Variants in DNAH2 observed in about 807,000 individuals in gnomAD.
The protein encoded by DNAH2 is dynein axonemal heavy chain 2.
Under a neutral mutation model 523.5 loss-of-function variants are expected in DNAH2, and 323 were observed. The observed-to-expected ratio is 0.62, with a 90% CI of 0.56 to 0.68. The LOEUF (loss-of-function observed/expected upper bound fraction) is 0.68, where lower values mean the gene tolerates loss of function less well. Ranked by LOEUF, DNAH2 falls within the 30% of genes least tolerant of loss-of-function variation. The pLI, the probability that DNAH2 is intolerant of heterozygous loss-of-function variation, is 0.00. For synonymous variants in DNAH2, 2,093 were observed against 2,177.4 expected, an observed-to-expected ratio of 0.96 and a Z score of 1.08; for missense variants, 4,907 against 5,701.5, an observed-to-expected ratio of 0.86 and a Z score of 4.49.
chr17:7,807,452 C>T lies in DNAH2; in HGVS notation c.9613-18C>T. On this transcript the variant is annotated intron_variant, in intron 62 of 85. Transcript: ENST00000572933. The surrounding 1 kb of genome is among the most constrained non-coding windows in gnomAD (Gnocchi z 5.6). ...TGGGTTGGTGGGCGACTCCCACAGC[C>T]TGACTGTCTCCCCACAGCTGTATGG... The T allele has an allele frequency of 1.9e-6, 3 of 1,612,596 alleles. No homozygotes were observed. The highest frequency in any genetic ancestry group is 2.5e-6 in the Non-Finnish European group (3 of 1,179,750).
intron 27 of DNAH2, 90 bp from the exon 28 acceptor site, chr17:7,771,240 C>A: frequency 6.4e-7 from 1 of 1,565,464 alleles, no homozygotes; most frequent in African/African-American, 1.3e-5. Context: ...GTATCTTCTA[C>A]CCAACTGTCA....
At chr17:7,773,182 G>A (rs1453582237) in intron 28 of DNAH2, among the ~76,000 whole-genome samples, 1 of 152,166 alleles carries the variant, frequency 6.6e-6, no homozygotes, top group Non-Finnish European at 1.5e-5. Flanking sequence ...TATCTGATTG[G>A]GGGTCTTCTG....
In DNAH2 at chr17:7,759,532, G is replaced by C. The variant is rs201664526; in HGVS notation, c.2559G>C (p.Gly853=). 2.6e-5 allele frequency: 42 copies of C among 1,614,068 alleles called. No individual in the cohort carries two copies. The highest frequency in any genetic ancestry group is 3.3e-5 in the Non-Finnish European group (39 of 1,180,048). ...TAGAACTATCCAAGGCTATCAACGG[G>C]GATGGAAAGACCAGCCCAAACCCAC... ...SLLELSKAIN[G]DGKTSPNPLF... Residue 853 remains glycine (G), a synonymous_variant, in exon 16 of 86, where the codon GGG becomes GGC. Transcript: ENST00000572933.
intron 12 of DNAH2, among the ~76,000 whole-genome samples, chr17:7,744,792 C>T (rs754727638): frequency 2.6e-5 from 4 of 152,114 alleles, no homozygotes; most frequent in Non-Finnish European, 5.9e-5. Context: ...TTTGCAAGCG[C>T]ATAATGGGGT....
At position 7,719,709 on chromosome 17, in the gene DNAH2, G is replaced by A. The variant is rs1162222451; in HGVS notation, c.-14-12G>A. On this transcript the variant is annotated splice_polypyrimidine_tract_variant and intron_variant, in intron 1 of 85. Coordinates refer to ENST00000572933, the MANE Select transcript of DNAH2 (RefSeq NM_020877.5). ...ATCTGCTTGTAGACTCTCCACTCCT[G>A]TATACCTGTAGGTTTTGCCTGCACG... is the stretch of plus-strand genomic sequence containing the variant. The A allele has an allele frequency of 2.5e-6, 4 of 1,614,198 alleles. No individual in the cohort carries two copies. Among genetic ancestry groups the A allele is most frequent in the Non-Finnish European group, 2.5e-6 (3 of 1,180,050 alleles).
chr17:7,747,933 A>G (rs1051957619), intron 12 of DNAH2, among the ~76,000 whole-genome samples: 5 of 152,216 alleles, frequency 3.3e-5, no homozygotes, highest in Non-Finnish European at 5.9e-5. Flanking sequence ...TAACACTTCA[A>G]GGAAGTGAAG....
Position 7,780,180 on chromosome 17 carries a change from C to T in DNAH2, c.5746C>T (p.Pro1916Ser), listed in dbSNP as rs778705349. 6.8e-6 allele frequency: 11 copies of T among 1,613,780 alleles called. No homozygotes were observed. Among genetic ancestry groups the T allele is most frequent in the Middle Eastern group, 1.6e-4 (1 of 6,082 alleles). ...AGGCTATGCTGGCCGCACAGAGCTT[C>T]CCGAAAATCTTAAATCCATGTTCCG... ...NPGYAGRTEL[P>S]ENLKSMFRPI... is the part of the protein sequence containing the mutation. Residue 1916 changes from proline to serine, a missense_variant, in exon 37 of 86, where the codon CCC (proline) becomes TCC (serine). Coordinates refer to ENST00000572933, the MANE Select transcript of DNAH2 (RefSeq NM_020877.5). This position sits in a 1 kb window ranked among gnomAD's most constrained non-coding sequence, Gnocchi z 4.4.
chr17:7,802,812 C>T (rs372606029), intron 58 of DNAH2, among the ~76,000 whole-genome samples: 14 of 150,410 alleles, frequency 9.3e-5, no homozygotes, highest in South Asian at 4.2e-4. Flanking sequence ...TACAGGCACG[C>T]GCCACCATGC....
At chr17:7,720,873 G>A (rs2074579637) in intron 2 of DNAH2, among the ~76,000 whole-genome samples, 1 of 152,066 alleles carries the variant, frequency 6.6e-6, no homozygotes, top group Non-Finnish European at 1.5e-5. Context: ...GAAGATGGGA[G>A]GGAAGACAGT....
At position 7,761,493 on chromosome 17, in the gene DNAH2, CT is replaced by C. The variant is rs535161420; in HGVS notation, c.2978+574del. Among the ~76,000 whole-genome samples, 154 of 141,658 alleles carry C rather than the reference CT, an allele frequency of 1.1e-3. 1 individual carries two copies. Among genetic ancestry groups the C allele is most frequent in the Middle Eastern group, 7.3e-3 (2 of 274 alleles). 92.9% of individuals were successfully genotyped at this position (141,658 alleles called of 152,430 possible). ...TATGTTGCCCACTCAGGAAGAAAAT[CT>C]TTTTTTTTTTTTCAAATATTTTTTT... On this transcript the variant is annotated intron_variant, in intron 18 of 85. Transcript: ENST00000572933.
In DNAH2 at chr17:7,740,411, C is replaced by T. The variant is rs202152475; in HGVS notation, c.1377-9C>T. ...CACTCAGCTGCCACATGCCTCTCCACCGGTGCAGGTTCCGTGCCGGAATCA... is the reference window on the plus strand; with the variant it reads ...CACTCAGCTGCCACATGCCTCTCCATCGGTGCAGGTTCCGTGCCGGAATCA... On this transcript the variant is annotated splice_polypyrimidine_tract_variant and intron_variant, in intron 9 of 85. Coordinates refer to ENST00000572933, the MANE Select transcript of DNAH2 (RefSeq NM_020877.5). 2 of 1,613,910 alleles carry T rather than the reference C, an allele frequency of 1.2e-6. No homozygotes were observed. The highest frequency in any genetic ancestry group is 2.2e-5 in the South Asian group (2 of 91,052).
Position 7,833,168 on chromosome 17 carries a change from T to A in DNAH2, c.13076T>A (p.Leu4359His), listed in dbSNP as rs1175818470. ...GCAGAGCCCATGCAGCTTGTCTGCC[T>A]CATGCCCACGATCCACTTCCGGCCT... ...VEAEPMQLVC[L>H]MPTIHFRPAE... is the part of the protein sequence containing the mutation. The change falls in exon 85 of 86, where the codon CTC becomes CAC. Residue 4359 changes from leucine (L) to histidine (H), a missense_variant. Leu to His is a moderately conservative substitution (Grantham distance 99). This residue lies in a region of DNAH2 where 1,851 missense variants were observed against 2,139.4 expected (regional missense o/e 0.87). Coordinates refer to ENST00000572933, the MANE Select transcript of DNAH2 (RefSeq NM_020877.5). 6.2e-7 allele frequency: 1 copy of A among 1,609,896 alleles called. No individual in the cohort carries two copies. The highest frequency in any genetic ancestry group is 8.5e-7 in the Non-Finnish European group (1 of 1,180,016).
intron 76 of DNAH2, 81 bp from the exon 77 acceptor site, chr17:7,824,456 C>T: frequency 7.1e-7 from 1 of 1,411,168 alleles, no homozygotes; most frequent in South Asian, 1.6e-5. Flanking sequence ...CCCAGCACCC[C>T]CACCCCAACA....
At chr17:7,750,118 A>T (rs542012384) in intron 12 of DNAH2, among the ~76,000 whole-genome samples, 4 of 152,258 alleles carry the variant, frequency 2.6e-5, no homozygotes, top group African/African-American at 9.6e-5. Context: ...CTCCTACCTC[A>T]GGTGATCCAC....
At chr17:7,794,182 C>G (rs1478011745) in intron 48 of DNAH2, 72 bp from the exon 49 acceptor site, 1 of 1,119,208 alleles carries the variant, frequency 8.9e-7, no homozygotes, top group Admixed American at 2.6e-5. Flanking sequence ...CTCCTTTTCA[C>G]CTGGCCTGTG....
chr17:7,783,808 A>C (rs1159138973), intron 39 of DNAH2, among the ~76,000 whole-genome samples: 2 of 151,940 alleles, frequency 1.3e-5, no homozygotes, highest in Non-Finnish European at 2.9e-5. Context: ...TCCAAAAAAA[A>C]AAAAACAAAA....
At position 7,823,741 on chromosome 17, in the gene DNAH2, C is replaced by A. The variant is rs2077934429; in HGVS notation, c.11330-93C>A. The A allele has an allele frequency of 5.7e-6, 9 of 1,580,032 alleles. No homozygotes were observed. In the African/African-American group the frequency reaches 9.4e-5, roughly 16 times the overall value. ...TCCCAGCTGGTGCCTGCCTCCTGGC[C>A]CGGAGCACATTCCCGGCAGGTGCCC... On this transcript the variant is annotated intron_variant, in intron 74 of 85. Transcript: ENST00000572933.
At position 7,793,073 on chromosome 17, in the gene DNAH2, C is replaced by T; in HGVS notation, c.7437C>T (p.Ile2479=). ...VYVPFGGKSM[I]TFMDDLNMPA... ...TGCCATTCGGGGGCAAAAGCATGATCACCTTTATGGATGACCTAAATATGC... is the reference window on the plus strand; with the variant it reads ...TGCCATTCGGGGGCAAAAGCATGATTACCTTTATGGATGACCTAAATATGC... The change falls in exon 48 of 86, where the codon ATC becomes ATT. Residue 2479 remains isoleucine, a synonymous_variant. Coordinates refer to ENST00000572933, the MANE Select transcript of DNAH2 (RefSeq NM_020877.5). 3 of 1,614,234 alleles carry T rather than the reference C, an allele frequency of 1.9e-6. No individual in the cohort carries two copies. The highest frequency in any genetic ancestry group is 2.5e-6 in the Non-Finnish European group (3 of 1,180,050).
intron 8 of DNAH2, chr17:7,738,881 A>G (rs1337277004): frequency 1.4e-6 from 1 of 691,140 alleles, no homozygotes; most frequent in Non-Finnish European, 2.7e-6. Flanking sequence ...TTGCATAGCC[A>G]GACTGCTCTT....
Sources: allele counts gnomAD v4.1 joint callset (sites outside exome capture counted in the v4.1 genomes callset), GRCh38; gene constraint gnomAD v4.1.1; regional missense constraint gnomAD v4.1.1; non-coding constraint Gnocchi (gnomAD v3.1); transcripts MANE v1.5; gene names NCBI Gene and HGNC (gene_info 2026-07-23, HGNC 2026-07-21).